NAV3: variants seen among roughly 807,000 people sequenced by gnomAD.
NAV3 encodes neuron navigator 3, also known as pore membrane and/or filament interacting like protein 1.
In NAV3, 87 loss-of-function variants were observed where a neutral mutation model predicts 244.7. The ratio of observed to expected loss-of-function variants is 0.36; its 90% confidence interval spans 0.30 to 0.42. NAV3 has a LOEUF of 0.42. NAV3 is among the 20% of genes least tolerant of loss of function. NAV3 has a pLI of 1.00. For missense variants in NAV3, 2,663 were observed against 2,893.3 expected (o/e 0.92, Z 1.83); for synonymous variants, 1,126 against 1,042.2 (o/e 1.08, Z -1.55).
At chr12:77,920,834 T>C (rs1475755907) in intron 1 of NAV3, among the ~76,000 whole-genome samples, 1 of 152,068 alleles carries the variant, frequency 6.6e-6, no homozygotes, top group African/African-American at 2.4e-5. Context: ...CAGAAAATAA[T>C]GTCAGATTGA....
Position 77,942,793 on chromosome 12 carries a change from A to G in NAV3, c.414+1660A>G, listed in dbSNP as rs148156300. On this transcript the variant is annotated intron_variant, in intron 3 of 39. Transcript: ENST00000397909. ...ACACAACTAAAATGCAATGCAGAAT[A>G]GTATTGCTACAAACTTTGTAAAGGA... 6.2e-4 allele frequency among the ~76,000 whole-genome samples: 95 copies of G among 152,344 alleles called. 1 individual carries two copies. Among genetic ancestry groups the G allele is most frequent in the Admixed American group, 1.6e-3 (25 of 15,300 alleles).
intron 2 of NAV3, among the ~76,000 whole-genome samples, chr12:77,744,435 T>C (rs1868432952): frequency 6.6e-6 from 1 of 151,936 alleles, no homozygotes; most frequent in Non-Finnish European, 1.5e-5. Context: ...TATTTTCTGC[T>C]TGGACTTTGA....
intron 13 of NAV3, 105 bp from the exon 14 acceptor site, chr12:78,117,922 G>C: frequency 9.1e-7 from 1 of 1,104,740 alleles, no homozygotes; most frequent in East Asian, 2.7e-5. Context: ...AATCAAAATA[G>C]AATCTTTGGA....
intron 1 of NAV3, among the ~76,000 whole-genome samples, chr12:77,870,821 A>G (rs531174947): frequency 1.3e-5 from 2 of 152,258 alleles, no homozygotes; most frequent in Admixed American, 6.5e-5. Flanking sequence ...GGTTATTTGC[A>G]TGAAATCCAA....
In NAV3 at chr12:78,119,169, T is replaced by C. The variant is rs147215006; in HGVS notation, c.3041-68T>C. On this transcript the variant is annotated intron_variant, in intron 14 of 39. Coordinates refer to ENST00000397909, the MANE Select transcript of NAV3 (RefSeq NM_001024383.2). ...TAAAGAAGCATTCACATTTTACACATTGTTTCACGAAGTGTGGTGATATCA... is the reference window on the plus strand; with the variant it reads ...TAAAGAAGCATTCACATTTTACACACTGTTTCACGAAGTGTGGTGATATCA... The C allele has an allele frequency of 1.4e-3, 1,852 of 1,355,580 alleles. 34 individuals carry two copies. The East Asian group carries it at 0.02, about 15-fold the overall frequency. The allele number at this position is 1,355,580 out of a possible 1,614,324, so 84.0% of individuals were successfully genotyped here. A position where few individuals can be genotyped will look rare whatever the true frequency, so the allele number is the denominator to read the frequency against.
chr12:78,020,743 A>G (rs984006313), intron 8 of NAV3, among the ~76,000 whole-genome samples: 1 of 152,200 alleles, frequency 6.6e-6, no homozygotes, highest in Non-Finnish European at 1.5e-5. Context: ...CATTGATTCA[A>G]AAATATAATA....
chr12:78,169,865 G>A (rs951832925), intron 24 of NAV3, among the ~76,000 whole-genome samples: 2 of 151,598 alleles, frequency 1.3e-5, no homozygotes, highest in South Asian at 2.1e-4. Context: ...TGAAACATCC[G>A]GTTTTTCTAA....
At chr12:77,790,550 T>G (rs574038635) in intron 2 of NAV3, among the ~76,000 whole-genome samples, 1 of 152,254 alleles carries the variant, frequency 6.6e-6, no homozygotes, top group South Asian at 2.1e-4. Context: ...TCTTTGCAGG[T>G]GAGATCAATG....
At chr12:77,866,085 G>T (rs1879973639) in intron 1 of NAV3, among the ~76,000 whole-genome samples, 1 of 151,688 alleles carries the variant, frequency 6.6e-6, no homozygotes, top group Non-Finnish European at 1.5e-5. Context: ...AAATTTCTAA[G>T]CACATAGTTC....
At chr12:78,074,259 A>G (rs1952931674) in intron 12 of NAV3, among the ~76,000 whole-genome samples, 1 of 152,232 alleles carries the variant, frequency 6.6e-6, no homozygotes, top group African/African-American at 2.4e-5. Flanking sequence ...AGACTTCTGG[A>G]AAAGACACAC....
chr12:77,920,010 A>G (rs1887550526), intron 1 of NAV3, among the ~76,000 whole-genome samples: 1 of 152,002 alleles, frequency 6.6e-6, no homozygotes, highest in East Asian at 1.9e-4. Flanking sequence ...ATAACTTACC[A>G]CTAATTGAAG....
At chr12:77,767,564 C>T (rs1207576157) in intron 2 of NAV3, among the ~76,000 whole-genome samples, 1 of 152,210 alleles carries the variant, frequency 6.6e-6, no homozygotes, top group African/African-American at 2.4e-5. Flanking sequence ...CTGCATACAG[C>T]CAAGCACACT....
chr12:77,779,272 G>A (rs891882338), intron 2 of NAV3, among the ~76,000 whole-genome samples: 6 of 152,176 alleles, frequency 3.9e-5, no homozygotes, highest in Admixed American at 2.0e-4. Context: ...CACATCGGTT[G>A]GGTGAAACCA....
In NAV3 at chr12:78,210,433, T is replaced by TTAC. The variant is rs1253925088; in HGVS notation, c.7076_7078dup (p.Tyr2359dup). On this transcript the variant is annotated inframe_insertion, in exon 40 of 40. Transcript: ENST00000397909. The stretch of plus-strand genomic sequence containing the variant: ...TAATGAAACTCCAAGAAGCAGCCAA[T>TTAC]TACTCGAGCACACAAAGCTGCGACA... 1.2e-6 allele frequency: 2 copies of TTAC among 1,613,664 alleles called. No homozygotes were observed. The highest frequency in any genetic ancestry group is 1.1e-5 in the South Asian group (1 of 91,072).
At chr12:77,629,368 G>T (rs1285393320) in intron 2 of NAV3, among the ~76,000 whole-genome samples, 2 of 152,160 alleles carry the variant, frequency 1.3e-5, no homozygotes, top group Non-Finnish European at 2.9e-5. Context: ...AAATAATGTG[G>T]CTTTTAAAGT....
At chr12:77,749,104 A>C (rs913624256) in intron 2 of NAV3, among the ~76,000 whole-genome samples, 12 of 152,338 alleles carry the variant, frequency 7.9e-5, no homozygotes, top group Middle Eastern at 3.4e-3. Flanking sequence ...GCATGCCACC[A>C]AGTGAAGTGA....
chr12:77,821,071 A>G (rs761951960), intron 2 of NAV3, among the ~76,000 whole-genome samples: 53 of 131,134 alleles, frequency 4.0e-4, no homozygotes, highest in Non-Finnish European at 7.9e-4. Context: ...ACACACATGT[A>G]CACACACACA....
In NAV3 at chr12:78,158,711, C is replaced by T. The variant is rs562035582; in HGVS notation, c.4786-492C>T. On this transcript the variant is annotated intron_variant, in intron 22 of 39. Coordinates refer to ENST00000397909, the MANE Select transcript of NAV3 (RefSeq NM_001024383.2). ...AAAAAGAGTAAAGATAATGTTCTAGCTGTCAGCAGATGTCTGACACTTGAT... is the reference window on the plus strand; with the variant it reads ...AAAAAGAGTAAAGATAATGTTCTAGTTGTCAGCAGATGTCTGACACTTGAT... Among the ~76,000 whole-genome samples the T allele has an allele frequency of 1.3e-4, 20 of 152,264 alleles. No homozygotes were observed. In the East Asian group the frequency reaches 3.7e-3, roughly 28 times the overall value.
rs145280445 is a variant in NAV3 at position 78,088,521 on chromosome 12, A to T, written c.2637-28251A>T. ...GACATGCGCTATTGTAAAAAATCAC[A>T]GATGCTGCTAATAGTGTCCTCATTC... is the stretch of plus-strand genomic sequence containing the variant. On this transcript the variant is annotated intron_variant, in intron 12 of 39. Coordinates refer to ENST00000397909, the MANE Select transcript of NAV3 (RefSeq NM_001024383.2). Among the ~76,000 whole-genome samples the T allele has an allele frequency of 2.8e-3, 430 of 152,224 alleles. 3 individuals are homozygous for T. The highest frequency in any genetic ancestry group is 1.0e-2 in the African/African-American group (415 of 41,560).
Sources: gnomAD v4.1 joint callset for allele counts (sites outside exome capture counted in the v4.1 genomes callset) on GRCh38, gnomAD v4.1.1 for gene constraint, MANE v1.5 for transcripts, NCBI Gene and HGNC (gene_info 2026-07-23, HGNC 2026-07-21) for gene names.